KCNN2: variants seen among roughly 807,000 people sequenced by gnomAD.
KCNN2 encodes small conductance calcium-activated potassium channel protein 2.
A neutral mutation model predicts 55.5 loss-of-function variants in KCNN2; 24 were observed. The observed-to-expected ratio is 0.43, with a 90% CI of 0.31 to 0.61. The LOEUF is 0.61. Ranked by LOEUF, KCNN2 falls within the 20% of genes least tolerant of loss-of-function variation. KCNN2 has a pLI of 0.08. For missense variants in KCNN2, 754 were observed against 853.6 expected, an observed-to-expected ratio of 0.88 and a Z score of 1.45; for synonymous variants, 431 against 336.1, an observed-to-expected ratio of 1.28 and a Z score of -3.09.
intron 1 of KCNN2, among the ~76,000 whole-genome samples, chr5:114,116,553 G>A (rs1400229765): frequency 6.6e-6 from 1 of 151,988 alleles, no homozygotes. Flanking sequence ...GACATAAGAG[G>A]GTTCCTGTTT....
chr5:114,175,541 G>A (rs969203005), intron 1 of KCNN2, among the ~76,000 whole-genome samples: 1 of 152,100 alleles, frequency 6.6e-6, no homozygotes, highest in African/African-American at 2.4e-5. Context: ...AGGCCTGATA[G>A]TATTATTTTT....
intron 1 of KCNN2, among the ~76,000 whole-genome samples, chr5:114,074,897 T>G (rs1301173047): frequency 6.6e-6 from 1 of 152,206 alleles, no homozygotes; most frequent in Non-Finnish European, 1.5e-5. Flanking sequence ...AGTGCACAAT[T>G]CACTTTAGTT....
At chr5:114,156,421 T>C (rs1032538339) in intron 1 of KCNN2, among the ~76,000 whole-genome samples, 1 of 152,166 alleles carries the variant, frequency 6.6e-6, no homozygotes, top group African/African-American at 2.4e-5. Flanking sequence ...CTGTGAAGAA[T>C]GTCAATGGTA....
intron 2 of KCNN2, among the ~76,000 whole-genome samples, chr5:114,268,079 T>A (rs1485633755): frequency 6.6e-6 from 1 of 152,220 alleles, no homozygotes; most frequent in African/African-American, 2.4e-5. Flanking sequence ...TCGCGTCATT[T>A]GCTGCCCAAA....
intron 2 of KCNN2, among the ~76,000 whole-genome samples, chr5:114,260,257 T>C (rs965767852): frequency 6.6e-6 from 1 of 152,190 alleles, no homozygotes; most frequent in African/African-American, 2.4e-5. Flanking sequence ...CCTCCTTATA[T>C]TACCAACTTC....
At position 114,404,489 on chromosome 5, in the gene KCNN2, G is replaced by T; in HGVS notation, c.1270G>T (p.Glu424Ter). The change falls in exon 3 of 8, where the codon GAG becomes TAG. Residue 424 changes from glutamate (E) to a stop codon, truncating the protein, a stop_gained. Coordinates refer to ENST00000673685, the MANE Select transcript of KCNN2 (RefSeq NM_021614.4). LOFTEE classifies it high-confidence loss of function. ...TGACTGGAGAATAGCCATGACTTAT[G>T]AGCGTATTTTCTTCATCTGCTTGGA... ...ADDWRIAMTY[E>*]RIFFICLEIL... 1 of 1,613,490 alleles carries T rather than the reference G, an allele frequency of 6.2e-7. No individual in the cohort carries two copies.
chr5:114,411,027 C>A (rs983579604), intron 3 of KCNN2, among the ~76,000 whole-genome samples: 1 of 152,108 alleles, frequency 6.6e-6, no homozygotes, highest in Non-Finnish European at 1.5e-5. Context: ...AGAATAAATT[C>A]TTGTGATCAC....
At chr5:114,396,272 A>G (rs965099248) in intron 2 of KCNN2, among the ~76,000 whole-genome samples, 1 of 152,118 alleles carries the variant, frequency 6.6e-6, no homozygotes, top group African/African-American at 2.4e-5. Flanking sequence ...TTGGTGAATC[A>G]GGAGAAAGGG....
At chr5:114,069,483 C>T (rs529908996) in intron 1 of KCNN2, among the ~76,000 whole-genome samples, 6 of 152,102 alleles carry the variant, frequency 3.9e-5, no homozygotes, top group Non-Finnish European at 5.9e-5. Context: ...ATTTCTAAGC[C>T]TTTTAAACCA....
intron 2 of KCNN2, among the ~76,000 whole-genome samples, chr5:114,249,329 G>C (rs1443499982): frequency 6.7e-6 from 1 of 149,234 alleles, no homozygotes; most frequent in Admixed American, 6.7e-5. Context: ...TGTCACCTAG[G>C]CTGGGTGGAG....
At chr5:114,135,467 T>C (rs1752155772) in intron 1 of KCNN2, among the ~76,000 whole-genome samples, 1 of 152,224 alleles carries the variant, frequency 6.6e-6, no homozygotes, top group African/African-American at 2.4e-5. Flanking sequence ...CAAACAGTCA[T>C]CTTTTCCCAC....
At chr5:114,367,376 C>G (rs114516468) in intron 2 of KCNN2, among the ~76,000 whole-genome samples, 1,644 of 152,262 alleles carry the variant, frequency 0.011, 32 homozygotes, top group African/African-American at 0.038. Flanking sequence ...TATAAAACAT[C>G]AGATTTAGTA....
At chr5:114,354,557 C>G (rs1561582167) in intron 2 of KCNN2, among the ~76,000 whole-genome samples, 1 of 152,060 alleles carries the variant, frequency 6.6e-6, no homozygotes, top group East Asian at 1.9e-4. Flanking sequence ...TCTAAGGAAA[C>G]TGAAACACTG....
chr5:114,342,967 C>A (rs1418377834), intron 2 of KCNN2, among the ~76,000 whole-genome samples: 1 of 152,112 alleles, frequency 6.6e-6, no homozygotes, highest in African/African-American at 2.4e-5. Flanking sequence ...GGTCTTAAGC[C>A]CAGCATCCAT....
chr5:114,327,719 G>A (rs1756739333), intron 2 of KCNN2, among the ~76,000 whole-genome samples: 1 of 152,152 alleles, frequency 6.6e-6, no homozygotes, highest in Non-Finnish European at 1.5e-5. Flanking sequence ...CTCCTTCTGT[G>A]TTATGTCCTC....
chr5:114,139,276 A>T (rs1752228119), intron 1 of KCNN2, among the ~76,000 whole-genome samples: 1 of 152,092 alleles, frequency 6.6e-6, no homozygotes, highest in African/African-American at 2.4e-5. Context: ...TTGTTTTCTC[A>T]TAAGAATAAA....
chr5:114,216,347 T>G (rs1380679295), intron 1 of KCNN2, among the ~76,000 whole-genome samples: 1 of 152,202 alleles, frequency 6.6e-6, no homozygotes. Context: ...CTATGGATGC[T>G]TAATTGATTT....
intron 2 of KCNN2, among the ~76,000 whole-genome samples, chr5:114,394,215 A>G (rs899904542): frequency 6.6e-6 from 1 of 152,172 alleles, no homozygotes; most frequent in Non-Finnish European, 1.5e-5. Context: ...TCAAAAAGTG[A>G]TATCTCATTT....
At chr5:114,114,749 A>G (rs1325091840) in intron 1 of KCNN2, among the ~76,000 whole-genome samples, 2 of 152,272 alleles carry the variant, frequency 1.3e-5, no homozygotes, top group African/African-American at 4.8e-5. Context: ...TCTAATCAGC[A>G]TTCACTGAGT....
Sources: gnomAD v4.1 joint callset for allele counts (sites outside exome capture counted in the v4.1 genomes callset) on GRCh38, gnomAD v4.1.1 for gene constraint, MANE v1.5 for transcripts, NCBI Gene and HGNC (gene_info 2026-07-23, HGNC 2026-07-21) for gene names.